Variants in PIKFYVE observed in about 807,000 individuals in gnomAD.
PIKFYVE encodes the protein phosphoinositide kinase, FYVE-type zinc finger containing, also known as 1-phosphatidylinositol 3-phosphate 5-kinase.
Under a neutral mutation model 257.9 loss-of-function variants are expected in PIKFYVE, and 122 were observed. That is an observed-to-expected ratio of 0.47 (90% CI 0.41 to 0.55). The LOEUF (loss-of-function observed/expected upper bound fraction) is 0.55. Ranked by LOEUF, PIKFYVE falls within the 20% of genes least tolerant of loss-of-function variation. PIKFYVE has a pLI of 0.00. For synonymous variants in PIKFYVE, 892 were observed against 868.9 expected, an observed-to-expected ratio of 1.03 and a Z score of -0.47; for missense variants, 2,160 against 2,536.6, an observed-to-expected ratio of 0.85 and a Z score of 3.19.
In PIKFYVE at chr2:208,358,399, G is replaced by GGT. The variant is rs1553538568; in HGVS notation, c.*3094_*3095insGT. The GGT allele has an allele frequency of 6.8e-6, 1 of 147,784 alleles. No homozygotes were observed. Among genetic ancestry groups the GGT allele is most frequent in the African/African-American group, 2.5e-5 (1 of 40,124 alleles). 9.2% of individuals were successfully genotyped at this position (147,784 alleles called of 1,614,324 possible). A position where few individuals can be genotyped will look rare whatever the true frequency, so the allele number is the denominator to read the frequency against. On this transcript the variant is annotated 3_prime_UTR_variant, in exon 42 of 42. Coordinates refer to ENST00000264380, the MANE Select transcript of PIKFYVE (RefSeq NM_015040.4). ...CATCTAGTGCAATGTTTTTGTTTTT[G>GGT]TTTTTTTTTTGGTAACACAGGTGCA...
rs1434079235 is a variant in PIKFYVE, at chr2:208,325,869, C to T, written c.3058C>T (p.Gln1020Ter). The T allele has an allele frequency of 1.2e-6, 2 of 1,613,780 alleles. No homozygotes were observed. Among genetic ancestry groups the T allele is most frequent in the African/African-American group, 2.7e-5 (2 of 74,920 alleles). Reference sequence around the variant, plus strand: ...GATAAGAGCCTTTAGAGACCCTCTACAGGATGACACTGGATTATATGTTAC... The same window carrying T: ...GATAAGAGCCTTTAGAGACCCTCTATAGGATGACACTGGATTATATGTTAC... ...SQIRAFRDPL[Q>*]DDTGLYVTEE... The change falls in exon 20 of 42, where the codon CAG becomes TAG. Residue 1020 changes from glutamine to a stop codon, truncating the protein, a stop_gained. Coordinates refer to ENST00000264380, the MANE Select transcript of PIKFYVE (RefSeq NM_015040.4). LOFTEE classifies it high-confidence loss of function.
intron 39 of PIKFYVE, among the ~76,000 whole-genome samples, 165 bp from the exon 40 acceptor site, chr2:208,353,733 A>G (rs566627637): frequency 6.6e-6 from 1 of 152,326 alleles, no homozygotes; most frequent in East Asian, 1.9e-4. Context: ...TGATATCACC[A>G]TGCGTTTAAA....
chr2:208,271,757 A>C, intron 2 of PIKFYVE, 66 bp downstream of exon 2: 6 of 1,476,892 alleles, frequency 4.1e-6, no homozygotes, highest in Non-Finnish European at 5.6e-6. Flanking sequence ...CTTTGTCTCC[A>C]GTGGCTCACC....
At position 208,298,049 on chromosome 2, in the gene PIKFYVE, C is replaced by T. The variant is rs571808021; in HGVS notation, c.912-592C>T. On this transcript the variant is annotated intron_variant, in intron 7 of 41. Coordinates refer to ENST00000264380, the MANE Select transcript of PIKFYVE (RefSeq NM_015040.4). ...AAAGGAATTCTTTTTTTGGTCATAA[C>T]ATTTTGCTTATTTGGGCGTCAAAAT... Among the ~76,000 whole-genome samples the T allele has an allele frequency of 8.9e-4, 135 of 152,104 alleles. 6 individuals carry two copies. In the South Asian group the frequency reaches 0.027, roughly 31 times the overall value.
Position 208,276,839 on chromosome 2 carries a change from T to C in PIKFYVE, c.441+9T>C, listed in dbSNP as rs371959708. On this transcript the variant is annotated intron_variant, in intron 4 of 41. Coordinates refer to ENST00000264380, the MANE Select transcript of PIKFYVE (RefSeq NM_015040.4). ...TGGAGGGGAAAAGCCAGGTACTGTC[T>C]AGAGGCTTTGGAAGATTACTTATTA... 1.2e-6 allele frequency: 2 copies of C among 1,602,102 alleles called. No homozygotes were observed.
intron 5 of PIKFYVE, among the ~76,000 whole-genome samples, chr2:208,283,379 C>G (rs573402479): frequency 4.6e-5 from 7 of 152,082 alleles, no homozygotes; most frequent in Non-Finnish European, 1.0e-4. Flanking sequence ...TATAGGCATG[C>G]GCTTAATAGG....
At chr2:208,317,816 T>C (rs1695722013) in intron 15 of PIKFYVE, 51 bp from the exon 16 acceptor site, 3 of 1,481,518 alleles carry the variant, frequency 2.0e-6, no homozygotes, top group Non-Finnish European at 2.8e-6. Flanking sequence ...TCTAACTAGA[T>C]TCTAAGCATG....
chr2:208,338,572 G>A lies in PIKFYVE; in HGVS notation c.4672+4G>A. The A allele has an allele frequency of 1.2e-6, 2 of 1,611,906 alleles. No homozygotes were observed. Among genetic ancestry groups the A allele is most frequent in the Non-Finnish European group, 1.7e-6 (2 of 1,178,158 alleles). ...GGACTTCAGAATGGAGAAAAAGGTTGGTTCTTGAGTCTGGTGATCACTTGC... is the reference window on the plus strand; with the variant it reads ...GGACTTCAGAATGGAGAAAAAGGTTAGTTCTTGAGTCTGGTGATCACTTGC... On this transcript the variant is annotated splice_donor_region_variant and intron_variant, in intron 29 of 41. Transcript: ENST00000264380.
Position 208,304,976 on chromosome 2 carries a change from G to A in PIKFYVE, c.1599G>A (p.Lys533=). 2 of 1,614,098 alleles carry A rather than the reference G, an allele frequency of 1.2e-6. No homozygotes were observed. The highest frequency in any genetic ancestry group is 1.7e-6 in the Non-Finnish European group (2 of 1,180,000). ...ACTTCCATATCAAGAAGCCCTCCAAGTACCCACATGTGCCCCCTCACCCTG... is the reference window on the plus strand; with the variant it reads ...ACTTCCATATCAAGAAGCCCTCCAAATACCCACATGTGCCCCCTCACCCTG... ...NVNFHIKKPS[K]YPHVPPHPAD... The change falls in exon 12 of 42, where the codon AAG becomes AAA. Residue 533 remains lysine (K), a synonymous_variant. Transcript: ENST00000264380.
At chr2:208,344,211 G>A (rs1486948727) in intron 32 of PIKFYVE, among the ~76,000 whole-genome samples, 2 of 152,064 alleles carry the variant, frequency 1.3e-5, no homozygotes, top group Non-Finnish European at 2.9e-5. Context: ...AGGCATTACA[G>A]TTTTTAATTT....
rs540604020 is a variant in PIKFYVE at position 208,314,174 on chromosome 2, A to G, written c.1697-120A>G. 4.1e-5 allele frequency: 47 copies of G among 1,150,804 alleles called. No individual in the cohort carries two copies. In the African/African-American group the frequency reaches 5.1e-4, roughly 13 times the overall value. The allele number at this position is 1,150,804 out of a possible 1,614,324, so 71.3% of individuals were successfully genotyped here. Reference sequence around the variant, plus strand: ...TACATGTTCTTGCCTTTTTACACCAATAATTTATGTTGGCTAACTTAAAAC... The same window carrying G: ...TACATGTTCTTGCCTTTTTACACCAGTAATTTATGTTGGCTAACTTAAAAC... On this transcript the variant is annotated intron_variant, in intron 13 of 41. Transcript: ENST00000264380.
chr2:208,328,271 T>C lies in PIKFYVE; in HGVS notation c.3710T>C (p.Val1237Ala), dbSNP rs1233855598. The change falls in exon 21 of 42, where the codon GTC (valine) becomes GCC (alanine). Residue 1237 changes from valine to alanine, a missense_variant. Coordinates refer to ENST00000264380, the MANE Select transcript of PIKFYVE (RefSeq NM_015040.4). ...AQSSNAPSACVSPWIVTMEFY... is the reference protein window; with the variant it reads ...AQSSNAPSACASPWIVTMEFY... ...TCCAGCAATGCTCCTAGTGCCTGTG[T>C]CAGTCCTTGGTAGGATTCTTTTCCC... 1 of 1,613,806 alleles carries C rather than the reference T, an allele frequency of 6.2e-7. No individual in the cohort carries two copies. Among genetic ancestry groups the C allele is most frequent in the Non-Finnish European group, 8.5e-7 (1 of 1,179,838 alleles).
In PIKFYVE at chr2:208,302,229, G is replaced by T; in HGVS notation, c.1209-13G>T. On this transcript the variant is annotated splice_polypyrimidine_tract_variant and intron_variant, in intron 9 of 41. Transcript: ENST00000264380. ...ACTTTTAAAACTTTTCATTTTTGTG[G>T]GTCTTGATTCAGGGCACAAGCTATA... is the stretch of plus-strand genomic sequence containing the variant. 7 of 1,611,820 alleles carry T rather than the reference G, an allele frequency of 4.3e-6. No homozygotes were observed. The highest frequency in any genetic ancestry group is 5.9e-6 in the Non-Finnish European group (7 of 1,178,080).
chr2:208,353,868 AT>A, intron 39 of PIKFYVE, 29 bp from the exon 40 acceptor site: 1 of 1,612,552 alleles, frequency 6.2e-7, no homozygotes, highest in Non-Finnish European at 8.5e-7. Flanking sequence ...CAACCTGTAC[AT>A]AAATGACAAA....
chr2:208,332,481 A>G (rs1258782122), intron 23 of PIKFYVE, among the ~76,000 whole-genome samples: 2 of 152,170 alleles, frequency 1.3e-5, no homozygotes, highest in African/African-American at 2.4e-5. Context: ...TCCCACGGGA[A>G]TAATTGTGGA....
chr2:208,289,068 G>A (rs76080447), intron 7 of PIKFYVE, among the ~76,000 whole-genome samples: 8 of 152,302 alleles, frequency 5.3e-5, no homozygotes, highest in South Asian at 2.1e-4. Flanking sequence ...TAAATAAGAC[G>A]TGAAGGATGT....
intron 40 of PIKFYVE, 59 bp from the exon 41 acceptor site, chr2:208,354,512 C>T (rs1040934399): frequency 7.1e-7 from 1 of 1,400,244 alleles, no homozygotes; most frequent in Admixed American, 1.7e-5. Flanking sequence ...TTGCTGTTGT[C>T]ATTTGATTAT....
At chr2:208,348,888 C>T (rs1480327693) in intron 35 of PIKFYVE, among the ~76,000 whole-genome samples, 2 of 151,746 alleles carry the variant, frequency 1.3e-5, no homozygotes, top group African/African-American at 2.4e-5. Context: ...AAAATAGCAA[C>T]TGCTGGGCCC....
intron 27 of PIKFYVE, 57 bp downstream of exon 27, chr2:208,336,257 A>T (rs1020840176): frequency 1.9e-6 from 3 of 1,597,348 alleles, no homozygotes; most frequent in African/African-American, 2.7e-5. Flanking sequence ...TTCTAATGTG[A>T]TATCTTAAAA....
Sources: gnomAD v4.1 joint callset for allele counts (sites outside exome capture counted in the v4.1 genomes callset) on GRCh38, gnomAD v4.1.1 for gene constraint, MANE v1.5 for transcripts, NCBI Gene and HGNC (gene_info 2026-07-23, HGNC 2026-07-21) for gene names.